PLXNA1: variants seen among roughly 807,000 people sequenced by gnomAD.
PLXNA1 encodes plexin A1, also known as plexin-A1.
Under a neutral mutation model 191.7 loss-of-function variants are expected in PLXNA1, and 77 were observed. The observed-to-expected ratio is 0.40, with a 90% CI of 0.33 to 0.49. The LOEUF is 0.49. Ranked by LOEUF, PLXNA1 falls within the 20% of genes least tolerant of loss-of-function variation. The pLI, the probability that PLXNA1 is intolerant of heterozygous loss-of-function variation, is 0.63. For synonymous variants in PLXNA1, 1,137 were observed against 1,156.4 expected, an observed-to-expected ratio of 0.98 and a Z score of 0.34; for missense variants, 2,110 against 2,660.2, an observed-to-expected ratio of 0.79 and a Z score of 4.55.
chr3:127,007,965 G>A, intron 9 of PLXNA1, 52 bp downstream of exon 9: 2 of 1,251,390 alleles, frequency 1.6e-6, no homozygotes, highest in Non-Finnish European at 2.3e-6. Flanking sequence ...AGCAGAACTG[G>A]GTTGAGACAT....
rs191029592 is a variant in PLXNA1, at chr3:126,999,914, C to T, written c.1378-3416C>T. ...ACTGCACTTCGGTCTCGGCTCCGAGCCCAGGGTCGACTCGCCCGTGTGCAT... is the reference window on the plus strand; with the variant it reads ...ACTGCACTTCGGTCTCGGCTCCGAGTCCAGGGTCGACTCGCCCGTGTGCAT... On this transcript the variant is annotated intron_variant, in intron 3 of 31. Coordinates refer to ENST00000393409, the MANE Select transcript of PLXNA1 (RefSeq NM_032242.4). Among the ~76,000 whole-genome samples, 249 of 152,214 alleles carry T rather than the reference C, an allele frequency of 1.6e-3. 1 individual carries two copies. The highest frequency in any genetic ancestry group is 2.8e-3 in the Non-Finnish European group (190 of 67,986).
rs1482789435 is a variant in PLXNA1 at position 127,037,244 on chromosome 3, G to A, written c.*3227G>A. The A allele has an allele frequency of 6.6e-6, 1 of 152,622 alleles. No homozygotes were observed. Among genetic ancestry groups the A allele is most frequent in the Admixed American group, 6.5e-5 (1 of 15,290 alleles). The allele number at this position is 152,622 out of a possible 1,614,324, so 9.5% of individuals were successfully genotyped here. Reference sequence around the variant, plus strand: ...CGGTCCGGGCGGGCACCCTCAGCCGGGCTCTTTGCAGAAGCAGCACCGCTG... The same window carrying A: ...CGGTCCGGGCGGGCACCCTCAGCCGAGCTCTTTGCAGAAGCAGCACCGCTG... On this transcript the variant is annotated 3_prime_UTR_variant, in exon 32 of 32. Coordinates refer to ENST00000393409, the MANE Select transcript of PLXNA1 (RefSeq NM_032242.4).
At chr3:127,003,111 G>T (rs1391706894) in intron 3 of PLXNA1, among the ~76,000 whole-genome samples, 3 of 151,800 alleles carry the variant, frequency 2.0e-5, no homozygotes, top group Admixed American at 1.3e-4. Flanking sequence ...TCACAGACTG[G>T]CCTGTTGGGG....
chr3:126,999,904 C>T (rs528710320), intron 3 of PLXNA1, among the ~76,000 whole-genome samples: 7 of 152,196 alleles, frequency 4.6e-5, no homozygotes, highest in African/African-American at 1.4e-4. Context: ...ACTTCGGTCT[C>T]GGCTCCGAGC....
At chr3:127,022,872 G>A in intron 23 of PLXNA1, 54 bp downstream of exon 23, 1 of 1,441,312 alleles carries the variant, frequency 6.9e-7, no homozygotes, top group Non-Finnish European at 9.8e-7. Context: ...AGCGGGAGGG[G>A]AAAACGGAGA....
At chr3:126,993,644 C>T (rs950718346) in intron 3 of PLXNA1, among the ~76,000 whole-genome samples, 37 of 152,312 alleles carry the variant, frequency 2.4e-4, no homozygotes, top group Admixed American at 8.5e-4. Flanking sequence ...GGCTGGGTGC[C>T]GTGGGCCATG....
intron 13 of PLXNA1, 31 bp from the exon 14 acceptor site, chr3:127,014,680 C>T (rs756538105): frequency 6.8e-6 from 11 of 1,610,620 alleles, no homozygotes; most frequent in African/African-American, 2.7e-5. Context: ...GGGCGGGGCT[C>T]CTGCAGCCCC....
chr3:127,029,295 C>T, intron 26 of PLXNA1, 145 bp from the exon 27 acceptor site: 1 of 859,712 alleles, frequency 1.2e-6, no homozygotes, highest in Non-Finnish European at 1.9e-6. Flanking sequence ...CCTGGGCTGT[C>T]CTGATATAGA....
At chr3:127,013,962 GC>G in intron 10 of PLXNA1, 57 bp from the exon 11 acceptor site, 1 of 1,514,362 alleles carries the variant, frequency 6.6e-7, no homozygotes, top group Non-Finnish European at 9.2e-7. Context: ...TGGGCGTGAG[GC>G]TTGGGAGGCC....
rs775884815 is a variant in PLXNA1 at position 127,029,497 on chromosome 3, T to G, written c.4831T>G (p.Ser1611Ala). 33 of 1,613,684 alleles carry G rather than the reference T, an allele frequency of 2.0e-5. No individual in the cohort carries two copies. Among genetic ancestry groups the G allele is most frequent in the African/African-American group, 4.0e-5 (3 of 74,882 alleles). Residue 1611 changes from serine to alanine, a missense_variant, in exon 27 of 32, where the codon TCC (serine) becomes GCC (alanine). Transcript: ENST00000393409. ...CAAGCAGACGTCCGCCTACAACATC[T>G]CCAACTCCTCCACCTTCACCAAGTC... ...VPKQTSAYNI[S>A]NSSTFTKSLS... is the part of the protein sequence containing the mutation.
chr3:127,005,996 C>T, intron 7 of PLXNA1, 83 bp from the exon 8 acceptor site: 1 of 1,018,536 alleles, frequency 9.8e-7, no homozygotes, highest in Non-Finnish European at 1.6e-6. Context: ...GGTCTCCGGG[C>T]AAGTTGTTCC....
At chr3:127,015,350 G>C in intron 15 of PLXNA1, 30 bp downstream of exon 15, 1 of 1,583,360 alleles carries the variant, frequency 6.3e-7, no homozygotes, top group African/African-American at 1.3e-5. Context: ...GTGGGGGCCT[G>C]GCTGCCCCTC....
At chr3:126,983,861 A>T (rs2078944242) in intron 1 of PLXNA1, among the ~76,000 whole-genome samples, 1 of 151,808 alleles carries the variant, frequency 6.6e-6, no homozygotes, top group Non-Finnish European at 1.5e-5. Context: ...GAGGTCGTGC[A>T]GGCTAAGCCC....
chr3:127,007,019 G>A (rs2079072928), intron 8 of PLXNA1, among the ~76,000 whole-genome samples: 1 of 152,212 alleles, frequency 6.6e-6, no homozygotes, highest in Admixed American at 6.5e-5. Context: ...TCTTTGTGGA[G>A]CAACTGCCGT....
chr3:126,994,384 T>C (rs2079005273), intron 3 of PLXNA1, among the ~76,000 whole-genome samples: 1 of 152,190 alleles, frequency 6.6e-6, no homozygotes, highest in Non-Finnish European at 1.5e-5. Context: ...TTGGGGTGGC[T>C]GCCTGTTCCA....
At chr3:127,001,595 G>A (rs755321430) in intron 3 of PLXNA1, among the ~76,000 whole-genome samples, 16 of 152,216 alleles carry the variant, frequency 1.1e-4, no homozygotes, top group East Asian at 3.8e-4. Flanking sequence ...GGTTGGAGCC[G>A]CAGGTCTGCG....
intron 23 of PLXNA1, among the ~76,000 whole-genome samples, chr3:127,024,426 G>A (rs2079167351): frequency 6.6e-6 from 1 of 152,206 alleles, no homozygotes; most frequent in Admixed American, 6.5e-5. Context: ...GACAGGCGCT[G>A]AGGGATGTGT....
rs1446121787 is a variant in PLXNA1, at chr3:127,029,986, C to A, written c.4983C>A (p.Asp1661Glu). 2 of 1,613,674 alleles carry A rather than the reference C, an allele frequency of 1.2e-6. No individual in the cohort carries two copies. Among genetic ancestry groups the A allele is most frequent in the Non-Finnish European group, 1.7e-6 (2 of 1,179,984 alleles). ...TGTGGCACCTGGTGAAGAACCACGA[C>A]CACCTGGACCAGCGTGAGGGTGACC... Reference protein sequence around the residue: ...TKLWHLVKNHDHLDQREGDRG... With the variant: ...TKLWHLVKNHEHLDQREGDRG... The change falls in exon 28 of 32, where the codon GAC (aspartate) becomes GAA (glutamate). Residue 1661 changes from aspartate (D) to glutamate (E), a missense_variant. Asp to Glu is a conservative substitution (Grantham distance 45, BLOSUM62 2). This residue lies in a region of PLXNA1 where 559 missense variants were observed against 911.5 expected (regional missense o/e 0.61). Coordinates refer to ENST00000393409, the MANE Select transcript of PLXNA1 (RefSeq NM_032242.4).
rs573720937 is a variant in PLXNA1 at position 127,008,053 on chromosome 3, C to T, written c.2112+140C>T. 12 of 586,408 alleles carry T rather than the reference C, an allele frequency of 2.0e-5. No individual in the cohort carries two copies. In the Admixed American group the frequency reaches 3.4e-4, roughly 17 times the overall value. The allele number at this position is 586,408 out of a possible 1,614,324, so 36.3% of individuals were successfully genotyped here. ...GGATGTCACCGTGTGGTGCATGCAC[C>T]ACCAGGCTGGGTCAGTGAGGTGACC... On this transcript the variant is annotated intron_variant, in intron 9 of 31. Coordinates refer to ENST00000393409, the MANE Select transcript of PLXNA1 (RefSeq NM_032242.4).
Sources: gnomAD v4.1 joint callset for allele counts (sites outside exome capture counted in the v4.1 genomes callset) on GRCh38, gnomAD v4.1.1 for gene constraint, gnomAD v4.1.1 regional missense constraint, MANE v1.5 for transcripts, NCBI Gene and HGNC (gene_info 2026-07-23, HGNC 2026-07-21) for gene names.